Variants in ERC2 observed in about 807,000 individuals in gnomAD.
ERC2 encodes ERC protein 2.
In ERC2, 42 loss-of-function variants were observed where a neutral mutation model predicts 114.8. The observed-to-expected ratio is 0.37, with a 90% CI of 0.29 to 0.47. ERC2 has a LOEUF of 0.47. ERC2 is among the 20% of genes least tolerant of loss of function. The pLI is 0.99. For synonymous variants in ERC2, 454 were observed against 425.5 expected, an observed-to-expected ratio of 1.07 and a Z score of -0.82; for missense variants, 939 against 1,150.7, an observed-to-expected ratio of 0.82 and a Z score of 2.66.
intron 12 of ERC2, among the ~76,000 whole-genome samples, chr3:55,956,617 T>G (rs1198231075): frequency 1.3e-5 from 2 of 152,168 alleles, no homozygotes; most frequent in African/African-American, 4.8e-5. Flanking sequence ...CTGTGGCAAC[T>G]TGAACCTAAC....
intron 6 of ERC2, among the ~76,000 whole-genome samples, chr3:56,128,937 C>T (rs984961995): frequency 1.3e-4 from 20 of 152,282 alleles, no homozygotes; most frequent in African/African-American, 3.8e-4. Flanking sequence ...AGGAGCCAGA[C>T]GTTGTTCTGT....
intron 14 of ERC2, among the ~76,000 whole-genome samples, chr3:55,788,173 T>A (rs759075717): frequency 6.6e-6 from 1 of 152,234 alleles, no homozygotes; most frequent in East Asian, 1.9e-4. Flanking sequence ...TTCTCTCATC[T>A]GAAAGCTAAG....
intron 17 of ERC2, among the ~76,000 whole-genome samples, chr3:55,627,299 C>A (rs1165708927): frequency 1.3e-5 from 2 of 152,058 alleles, no homozygotes; most frequent in Non-Finnish European, 2.9e-5. Flanking sequence ...GAAACCCCAT[C>A]TCTACAAAAA....
At chr3:56,171,980 A>G (rs1209400545) in intron 4 of ERC2, among the ~76,000 whole-genome samples, 3 of 149,384 alleles carry the variant, frequency 2.0e-5, no homozygotes, top group African/African-American at 7.3e-5. Context: ...TGCAAAAACA[A>G]AAAACAAAAA....
intron 4 of ERC2, among the ~76,000 whole-genome samples, chr3:56,170,889 C>T (rs949364553): frequency 4.0e-5 from 6 of 151,660 alleles, no homozygotes; most frequent in South Asian, 2.1e-4. Context: ...CTCAGCCTCC[C>T]GAGTAGCTGG....
chr3:55,654,955 C>A (rs1434248280), intron 17 of ERC2, among the ~76,000 whole-genome samples: 1 of 152,230 alleles, frequency 6.6e-6, no homozygotes, highest in Non-Finnish European at 1.5e-5. Flanking sequence ...CTCTAACTGC[C>A]CATTCTTGCA....
At chr3:55,568,801 G>T (rs562514916) in intron 17 of ERC2, among the ~76,000 whole-genome samples, 2 of 152,122 alleles carry the variant, frequency 1.3e-5, no homozygotes, top group African/African-American at 4.8e-5. Context: ...CGTTCACAGT[G>T]AAAGCAAAAG....
chr3:56,054,089 A>G (rs2075895343), intron 7 of ERC2, among the ~76,000 whole-genome samples: 1 of 152,208 alleles, frequency 6.6e-6, no homozygotes, highest in South Asian at 2.1e-4. Context: ...TATGGCAATT[A>G]TTACACCCAT....
chr3:56,208,564 T>C lies in ERC2; in HGVS notation c.1075-35044A>G, dbSNP rs571687687. Among the ~76,000 whole-genome samples, 83 of 152,352 alleles carry C rather than the reference T, an allele frequency of 5.4e-4. No individual in the cohort carries two copies. In the Middle Eastern group the frequency reaches 0.014, roughly 25 times the overall value. On this transcript the variant is annotated intron_variant, in intron 3 of 17. Transcript: ENST00000288221. Reference sequence around the variant, plus strand: ...AGGCCAAGATATTATAAATCCCCAGTGTTCAGAGCAGTCAAAAATAAGTAG... The same window carrying C: ...AGGCCAAGATATTATAAATCCCCAGCGTTCAGAGCAGTCAAAAATAAGTAG...
At chr3:56,166,911 T>A (rs2082350568) in intron 4 of ERC2, among the ~76,000 whole-genome samples, 1 of 152,094 alleles carries the variant, frequency 6.6e-6, no homozygotes, top group South Asian at 2.1e-4. Flanking sequence ...TTATGTTTAT[T>A]ATTTCTTTCT....
At chr3:56,160,488 C>T (rs537291918) in intron 4 of ERC2, among the ~76,000 whole-genome samples, 19 of 152,208 alleles carry the variant, frequency 1.2e-4, no homozygotes, top group Admixed American at 3.9e-4. Flanking sequence ...TAATTAGGTC[C>T]CACTTGTCAA....
chr3:56,072,980 A>G (rs1576811064), intron 7 of ERC2, among the ~76,000 whole-genome samples: 1 of 152,210 alleles, frequency 6.6e-6, no homozygotes, highest in African/African-American at 2.4e-5. Flanking sequence ...AGAGTGTCAT[A>G]CACACTCACA....
At chr3:56,329,538 C>T (rs988656858) in intron 2 of ERC2, among the ~76,000 whole-genome samples, 8 of 152,168 alleles carry the variant, frequency 5.3e-5, no homozygotes, top group African/African-American at 1.7e-4. Flanking sequence ...AAGGAAACTA[C>T]TTCACCAGAG....
chr3:56,152,713 G>T (rs1450251004), intron 4 of ERC2, among the ~76,000 whole-genome samples: 1 of 152,120 alleles, frequency 6.6e-6, no homozygotes, highest in Non-Finnish European at 1.5e-5. Flanking sequence ...GTTTGCTTCA[G>T]TTAGGAAAAA....
chr3:55,729,279 C>G (rs896870891), intron 15 of ERC2, among the ~76,000 whole-genome samples: 1 of 152,172 alleles, frequency 6.6e-6, no homozygotes, highest in Non-Finnish European at 1.5e-5. Flanking sequence ...CAAACACACA[C>G]GTACACTTCT....
At chr3:55,870,079 ATT>A (rs112152631) in intron 14 of ERC2, among the ~76,000 whole-genome samples, 19 of 146,468 alleles carry the variant, frequency 1.3e-4, no homozygotes, top group Middle Eastern at 3.5e-3. Flanking sequence ...AAAGAGTACA[ATT>A]TTTTTTTTTT....
Position 55,939,356 on chromosome 3 carries a change from C to T in ERC2, c.2403+11069G>A, listed in dbSNP as rs182752625. Among the ~76,000 whole-genome samples the T allele has an allele frequency of 2.5e-3, 386 of 152,306 alleles. 1 individual carries two copies. Among genetic ancestry groups the T allele is most frequent in the Non-Finnish European group, 4.3e-3 (290 of 68,026 alleles). ...GCATTTGCCCAAGTTCCATAAAATG[C>T]TAATACTTTGCAATGTTAATAAATG... On this transcript the variant is annotated intron_variant, in intron 13 of 17. Coordinates refer to ENST00000288221, the MANE Select transcript of ERC2 (RefSeq NM_015576.3).
At chr3:55,711,253 T>C (rs1239233309) in intron 15 of ERC2, among the ~76,000 whole-genome samples, 2 of 152,214 alleles carry the variant, frequency 1.3e-5, no homozygotes, top group East Asian at 3.8e-4. Context: ...CTTTTTTAAA[T>C]AACATCTGTA....
chr3:55,559,974 C>T (rs558148786), intron 17 of ERC2, among the ~76,000 whole-genome samples: 5 of 152,316 alleles, frequency 3.3e-5, no homozygotes, highest in Admixed American at 2.0e-4. Flanking sequence ...ACCCTTGGAG[C>T]AAGGTGGGAG....
Sources: allele counts gnomAD v4.1 joint callset (sites outside exome capture counted in the v4.1 genomes callset), GRCh38; gene constraint gnomAD v4.1.1; transcripts MANE v1.5; gene names NCBI Gene and HGNC (gene_info 2026-07-23, HGNC 2026-07-21).